DIP2C: variants seen among roughly 807,000 people sequenced by gnomAD.
The protein encoded by DIP2C is DIP2 acetate--CoA ligase C (putative), also known as disco-interacting protein 2 homolog C.
Under a neutral mutation model 192.4 loss-of-function variants are expected in DIP2C, and 33 were observed. That is an observed-to-expected ratio of 0.17 (90% CI 0.13 to 0.23). The LOEUF (loss-of-function observed/expected upper bound fraction) is 0.23. Ranked by LOEUF, DIP2C falls within the 10% of genes least tolerant of loss-of-function variation. The pLI, the probability that DIP2C is intolerant of heterozygous loss-of-function variation, is 1.00. For missense variants in DIP2C, 1,537 were observed against 2,110.1 expected, an observed-to-expected ratio of 0.73 and a Z score of 5.32; for synonymous variants, 979 against 864.1, an observed-to-expected ratio of 1.13 and a Z score of -2.33.
chr10:545,323 C>T (rs1231755408), intron 1 of DIP2C, among the ~76,000 whole-genome samples: 3 of 152,008 alleles, frequency 2.0e-5, no homozygotes, highest in Non-Finnish European at 4.4e-5. Context: ...CCTGCCACAA[C>T]GCCCAGGTAA....
rs1564685137 is a variant in DIP2C at position 417,746 on chromosome 10, TCGGATAGGCA to T, written c.739+1309_739+1318del. 1.4e-3 allele frequency among the ~76,000 whole-genome samples: 182 copies of T among 126,142 alleles called. 25 individuals are homozygous for T. Among genetic ancestry groups the T allele is most frequent in the Non-Finnish European group, 2.1e-3 (125 of 60,840 alleles). 82.8% of individuals were successfully genotyped at this position (126,142 alleles called of 152,430 possible). On this transcript the variant is annotated intron_variant, in intron 6 of 36. Transcript: ENST00000280886. The stretch of plus-strand genomic sequence containing the variant: ...CCTGTCTGCCTGCGCCTGTCAGGGC[TCGGATAGGCA>T]TCCCTGTCCACCTGCACCTGTCAGG...
intron 1 of DIP2C, among the ~76,000 whole-genome samples, chr10:565,943 C>A (rs1400947158): frequency 6.6e-6 from 1 of 152,210 alleles, no homozygotes; most frequent in South Asian, 2.1e-4. Context: ...TGTTTCAGAT[C>A]CACGTCACCC....
chr10:586,917 G>C (rs933575492), intron 1 of DIP2C, among the ~76,000 whole-genome samples: 1 of 151,846 alleles, frequency 6.6e-6, no homozygotes, highest in Admixed American at 6.5e-5. Flanking sequence ...GACCACGTGG[G>C]TCCCCACTGA....
intron 1 of DIP2C, among the ~76,000 whole-genome samples, chr10:499,417 T>C (rs1254949968): frequency 6.6e-6 from 1 of 152,214 alleles, no homozygotes; most frequent in Non-Finnish European, 1.5e-5. Context: ...GAAAGCAGTT[T>C]GATTGACTCA....
chr10:547,096 C>T (rs192002363), intron 1 of DIP2C, among the ~76,000 whole-genome samples: 61 of 152,300 alleles, frequency 4.0e-4, no homozygotes, highest in Admixed American at 1.6e-3. Flanking sequence ...ATCAAATCCT[C>T]GGAAGACGCA....
intron 1 of DIP2C, among the ~76,000 whole-genome samples, chr10:616,762 G>A (rs1164308102): frequency 1.3e-5 from 2 of 152,170 alleles, no homozygotes; most frequent in African/African-American, 2.4e-5. Flanking sequence ...GGCAAGCATA[G>A]AGAGTCTAAT....
At chr10:529,047 G>A (rs967973289) in intron 1 of DIP2C, among the ~76,000 whole-genome samples, 14 of 152,218 alleles carry the variant, frequency 9.2e-5, no homozygotes, top group African/African-American at 2.7e-4. Flanking sequence ...GGACGGCGCT[G>A]CCGGCATCTC....
intron 1 of DIP2C, among the ~76,000 whole-genome samples, chr10:511,996 C>T (rs1004264126): frequency 2.0e-5 from 3 of 152,166 alleles, no homozygotes; most frequent in South Asian, 2.1e-4. Context: ...TCGGTAAAAG[C>T]GTGAGCACCA....
chr10:283,226 C>T lies in DIP2C; in HGVS notation c.4294+46G>A, dbSNP rs766691147. 9 of 1,563,760 alleles carry T rather than the reference C, an allele frequency of 5.8e-6. No individual in the cohort carries two copies. The South Asian group carries it at 5.8e-5, about 10-fold the overall frequency. On this transcript the variant is annotated intron_variant, in intron 35 of 36. Transcript: ENST00000280886. ...GCTTCTGTATCTACAGGAGCCTAACCTCTCTGCCCATCTGTTGGGGGGGGG... is the reference window on the plus strand; with the variant it reads ...GCTTCTGTATCTACAGGAGCCTAACTTCTCTGCCCATCTGTTGGGGGGGGG...
intron 1 of DIP2C, among the ~76,000 whole-genome samples, chr10:547,513 A>G (rs1339300315): frequency 2.0e-5 from 3 of 152,228 alleles, no homozygotes; most frequent in Non-Finnish European, 4.4e-5. Flanking sequence ...GAAAGCAGGC[A>G]GACAGTGAGG....
chr10:673,440 T>C (rs114222865), intron 1 of DIP2C, among the ~76,000 whole-genome samples: 2 of 152,182 alleles, frequency 1.3e-5, no homozygotes, highest in Non-Finnish European at 1.5e-5. Context: ...TTTTTCTATA[T>C]CTTTGTTTCA....
chr10:324,837 A>G (rs1957194831), intron 31 of DIP2C: 1 of 470,222 alleles, frequency 2.1e-6, no homozygotes, highest in Non-Finnish European at 4.5e-6. Flanking sequence ...CCTTGTGGAA[A>G]ACACCAGCAC....
chr10:291,004 C>A (rs569091649), intron 32 of DIP2C, among the ~76,000 whole-genome samples: 104 of 152,322 alleles, frequency 6.8e-4, no homozygotes, highest in African/African-American at 2.4e-3. Flanking sequence ...GGCAAATGCC[C>A]CAGGGCTCTG....
Position 363,156 on chromosome 10 carries a change from C to T in DIP2C, c.2592+41G>A, listed in dbSNP as rs1376043816. The T allele has an allele frequency of 1.3e-6, 2 of 1,574,158 alleles. No individual in the cohort carries two copies. Among genetic ancestry groups the T allele is most frequent in the African/African-American group, 1.3e-5 (1 of 74,108 alleles). ...CTGAATGAAGTAAGGAGGCCAGAAA[C>T]AAGACACAGGGGACCAGTGCCCAGG... On this transcript the variant is annotated intron_variant, in intron 21 of 36. Transcript: ENST00000280886. The surrounding 1 kb of genome is among the most constrained non-coding windows in gnomAD (Gnocchi z 5.4).
intron 33 of DIP2C, among the ~76,000 whole-genome samples, chr10:288,035 G>A (rs936456490): frequency 7.2e-5 from 11 of 152,292 alleles, no homozygotes; most frequent in African/African-American, 2.2e-4. Context: ...GCTGGAATGT[G>A]GAAATGATGG....
intron 1 of DIP2C, among the ~76,000 whole-genome samples, chr10:625,438 C>T (rs996671201): frequency 4.6e-5 from 7 of 152,212 alleles, no homozygotes; most frequent in African/African-American, 7.2e-5. Context: ...TAATAACAGG[C>T]TTACGCTTTC....
At chr10:328,890 G>A (rs750083822) in intron 30 of DIP2C, among the ~76,000 whole-genome samples, 1 of 152,118 alleles carries the variant, frequency 6.6e-6, no homozygotes, top group Non-Finnish European at 1.5e-5. Flanking sequence ...GAAGATATAC[G>A]TATCAAAATG....
At chr10:302,338 G>A (rs1956091458) in intron 32 of DIP2C, among the ~76,000 whole-genome samples, 1 of 152,168 alleles carries the variant, frequency 6.6e-6, no homozygotes, top group Non-Finnish European at 1.5e-5. Flanking sequence ...CACATGGCCA[G>A]AAAGTGATAG....
chr10:517,817 C>T lies in DIP2C; in HGVS notation c.86-31287G>A, dbSNP rs564410574. ...AGGTCTCTTTATTAACAACCAGTAG[C>T]CTTTCTCATCTGGTGCTTTTTAACA... On this transcript the variant is annotated intron_variant, in intron 1 of 36. Transcript: ENST00000280886. Among the ~76,000 whole-genome samples the T allele has an allele frequency of 1.2e-4, 19 of 152,306 alleles. No individual in the cohort carries two copies. The South Asian group carries it at 3.9e-3, about 32-fold the overall frequency.
Sources: gnomAD v4.1 joint callset for allele counts (sites outside exome capture counted in the v4.1 genomes callset) on GRCh38, gnomAD v4.1.1 for gene constraint, Gnocchi (gnomAD v3.1) non-coding constraint, MANE v1.5 for transcripts, NCBI Gene and HGNC (gene_info 2026-07-23, HGNC 2026-07-21) for gene names.